The following MACROD2 variants were observed in gnomAD, a reference collection of about 807,000 sequenced individuals.
The protein encoded by MACROD2 is mono-ADP ribosylhydrolase 2, also known as ADP-ribose glycohydrolase MACROD2.
A neutral mutation model predicts 70.4 loss-of-function variants in MACROD2; 36 were observed. The observed-to-expected ratio is 0.51, with a 90% CI of 0.39 to 0.68. The LOEUF (loss-of-function observed/expected upper bound fraction) is 0.68, where lower values mean the gene tolerates loss of function less well. Ranked by LOEUF, MACROD2 falls within the 30% of genes least tolerant of loss-of-function variation. MACROD2 has a pLI of 0.00. For missense variants in MACROD2, 496 were observed against 538.4 expected, an observed-to-expected ratio of 0.92 and a Z score of 0.78; for synonymous variants, 172 against 178.8, an observed-to-expected ratio of 0.96 and a Z score of 0.30.
chr20:15,363,954 G>A (rs2078382595), intron 6 of MACROD2, among the ~76,000 whole-genome samples: 1 of 152,080 alleles, frequency 6.6e-6, no homozygotes, highest in Non-Finnish European at 1.5e-5. Context: ...TTTATTGTCT[G>A]ATTTGTTTAC....
chr20:14,698,487 T>C (rs2071152982), intron 5 of MACROD2, among the ~76,000 whole-genome samples: 1 of 152,166 alleles, frequency 6.6e-6, no homozygotes. Flanking sequence ...TTCAGTAAGA[T>C]CACCCCAACT....
chr20:14,019,105 G>C (rs1395039519), intron 2 of MACROD2, among the ~76,000 whole-genome samples: 1 of 152,148 alleles, frequency 6.6e-6, no homozygotes, highest in African/African-American at 2.4e-5. Context: ...CAGTTACTGA[G>C]GTTCTGTAAC....
At chr20:15,771,342 T>C (rs1448406361) in intron 8 of MACROD2, among the ~76,000 whole-genome samples, 7 of 144,140 alleles carry the variant, frequency 4.9e-5, no homozygotes, top group Admixed American at 4.8e-4. Flanking sequence ...ACCTGGCTAA[T>C]TATTATTATT....
intron 3 of MACROD2, among the ~76,000 whole-genome samples, chr20:14,290,899 T>G (rs546843108): frequency 6.6e-6 from 1 of 152,230 alleles, no homozygotes; most frequent in African/African-American, 2.4e-5. Flanking sequence ...TGTTATTAAA[T>G]AAGCACAGCT....
intron 7 of MACROD2, among the ~76,000 whole-genome samples, chr20:15,445,172 G>A (rs2046546041): frequency 6.6e-6 from 1 of 152,132 alleles, no homozygotes; most frequent in Non-Finnish European, 1.5e-5. Context: ...CTTATCATGA[G>A]AGCCACCTTG....
At chr20:14,434,153 T>C (rs2084028615) in intron 3 of MACROD2, among the ~76,000 whole-genome samples, 1 of 152,200 alleles carries the variant, frequency 6.6e-6, no homozygotes, top group Non-Finnish European at 1.5e-5. Context: ...CTGAAAGATA[T>C]GAAACTTCTA....
At chr20:15,232,571 T>C (rs2076968348) in intron 6 of MACROD2, among the ~76,000 whole-genome samples, 1 of 152,056 alleles carries the variant, frequency 6.6e-6, no homozygotes, top group African/African-American at 2.4e-5. Context: ...ATAATGTGTA[T>C]AAGATAATTG....
chr20:15,141,563 G>C (rs2076192728), intron 5 of MACROD2, among the ~76,000 whole-genome samples: 1 of 152,104 alleles, frequency 6.6e-6, no homozygotes, highest in Non-Finnish European at 1.5e-5. Flanking sequence ...GATTCCAAGT[G>C]ACCTCAGAAA....
intron 5 of MACROD2, among the ~76,000 whole-genome samples, chr20:15,078,111 G>A (rs1303786059): frequency 6.6e-6 from 1 of 152,156 alleles, no homozygotes; most frequent in Non-Finnish European, 1.5e-5. Context: ...TGAGCTTGGG[G>A]AGTTTATCGG....
intron 8 of MACROD2, among the ~76,000 whole-genome samples, chr20:15,563,426 TAGAA>T (rs1313048147): frequency 6.6e-6 from 1 of 152,182 alleles, no homozygotes; most frequent in Non-Finnish European, 1.5e-5. Context: ...TTTATGGCCT[TAGAA>T]AGCCTTTCTC....
At chr20:15,471,127 A>G (rs967565329) in intron 7 of MACROD2, among the ~76,000 whole-genome samples, 2 of 152,146 alleles carry the variant, frequency 1.3e-5, no homozygotes, top group African/African-American at 4.8e-5. Flanking sequence ...TCCTTGGGGA[A>G]ATACTGCTAC....
At chr20:14,917,540 T>C (rs1419367355) in intron 5 of MACROD2, among the ~76,000 whole-genome samples, 1 of 152,006 alleles carries the variant, frequency 6.6e-6, no homozygotes, top group East Asian at 1.9e-4. Flanking sequence ...GAGAACTGTG[T>C]TGTGGAAGCT....
intron 5 of MACROD2, among the ~76,000 whole-genome samples, chr20:15,080,254 C>T (rs1295007801): frequency 6.6e-6 from 1 of 152,118 alleles, no homozygotes; most frequent in Non-Finnish European, 1.5e-5. Context: ...TCTCCACTTC[C>T]TCACAACCAT....
chr20:14,423,440 C>T (rs67626497), intron 3 of MACROD2, among the ~76,000 whole-genome samples: 1 of 151,200 alleles, frequency 6.6e-6, no homozygotes, highest in African/African-American at 2.4e-5. Context: ...TGGCTCACGC[C>T]TGTAATCCCA....
At chr20:15,311,684 C>G (rs868791557) in intron 6 of MACROD2, among the ~76,000 whole-genome samples, 24 of 152,256 alleles carry the variant, frequency 1.6e-4, no homozygotes, top group Admixed American at 5.2e-4. Context: ...AACTCAGTTA[C>G]AGAAAACCAA....
At chr20:15,374,890 A>T (rs755589328) in intron 6 of MACROD2, among the ~76,000 whole-genome samples, 4 of 152,214 alleles carry the variant, frequency 2.6e-5, no homozygotes, top group Non-Finnish European at 5.9e-5. Context: ...CATAAAATTC[A>T]TGGCTTTGCC....
At chr20:15,462,105 A>T (rs2046827542) in intron 7 of MACROD2, among the ~76,000 whole-genome samples, 1 of 152,196 alleles carries the variant, frequency 6.6e-6, no homozygotes, top group East Asian at 1.9e-4. Flanking sequence ...TGTCTGTAAG[A>T]GCTACGTGGA....
At chr20:15,217,268 C>T (rs2076818720) in intron 5 of MACROD2, among the ~76,000 whole-genome samples, 2 of 152,148 alleles carry the variant, frequency 1.3e-5, no homozygotes, top group African/African-American at 2.4e-5. Flanking sequence ...AATGCAACTA[C>T]GTAGAAGTAC....
chr20:15,502,752 G>A (rs1019597191), intron 8 of MACROD2, among the ~76,000 whole-genome samples: 1 of 152,104 alleles, frequency 6.6e-6, no homozygotes, highest in African/African-American at 2.4e-5. Context: ...TTTCTGTTAG[G>A]ATAGGGTTAT....
Sources: allele counts gnomAD v4.1 joint callset (sites outside exome capture counted in the v4.1 genomes callset), GRCh38; gene constraint gnomAD v4.1.1; transcripts MANE v1.5; gene names NCBI Gene and HGNC (gene_info 2026-07-23, HGNC 2026-07-21).